TENM2: variants seen among roughly 807,000 people sequenced by gnomAD.
TENM2 encodes the protein teneurin transmembrane protein 2, also known as teneurin-2.
TENM2 carries 52 observed loss-of-function variants against 245.2 expected under a neutral mutation model. That is an observed-to-expected ratio of 0.21 (90% CI 0.17 to 0.27). The LOEUF (loss-of-function observed/expected upper bound fraction) is 0.27, where lower values mean the gene tolerates loss of function less well. Among genes scored for constraint, TENM2 ranks in the 10% least tolerant of loss-of-function variants. The pLI is 1.00. For missense variants in TENM2, 3,046 were observed against 3,666.8 expected, an observed-to-expected ratio of 0.83 and a Z score of 4.37; for synonymous variants, 1,363 against 1,438.9, an observed-to-expected ratio of 0.95 and a Z score of 1.19.
chr5:167,002,598 A>G, the TENM2 span, among the ~76,000 whole-genome samples: 3 of 151,934 alleles, frequency 2.0e-5, no homozygotes, highest in Non-Finnish European at 2.9e-5. Context: ...TGTGACCAAG[A>G]GTTCCAGACC....
At chr5:167,728,547 T>G (rs1342789073) in intron 2 of TENM2, 1 of 152,364 alleles carries the variant, frequency 6.6e-6, no homozygotes, top group East Asian at 1.9e-4. Flanking sequence ...TAGGCTGCAG[T>G]GAGCTATGAT....
chr5:167,775,443 G>A (rs1482749374), intron 2 of TENM2, among the ~76,000 whole-genome samples: 2 of 152,212 alleles, frequency 1.3e-5, no homozygotes, highest in East Asian at 3.8e-4. Flanking sequence ...TGCAGAACTA[G>A]GTTTAACTGG....
chr5:167,432,409 C>T (rs1453828976), intron 2 of TENM2, among the ~76,000 whole-genome samples: 1 of 151,728 alleles, frequency 6.6e-6, no homozygotes, highest in Non-Finnish European at 1.5e-5. Flanking sequence ...TTTTCTTCTG[C>T]TTGTTGTACA....
chr5:167,645,026 T>C (rs907482117), intron 2 of TENM2, among the ~76,000 whole-genome samples: 3 of 152,178 alleles, frequency 2.0e-5, no homozygotes, highest in Non-Finnish European at 4.4e-5. Flanking sequence ...CTGGAGGCAA[T>C]TGAAACACAA....
rs183549184 is a variant in TENM2 at position 167,874,335 on chromosome 5, T to A, written c.503-1651T>A. 3.2e-3 allele frequency among the ~76,000 whole-genome samples: 482 copies of A among 152,296 alleles called. 2 individuals carry two copies. The highest frequency in any genetic ancestry group is 0.01 in the African/African-American group (433 of 41,572). On this transcript the variant is annotated intron_variant, in intron 2 of 28. Coordinates refer to ENST00000518659, the Ensembl canonical transcript of TENM2. ...CTAGCGAAGTGCAGATACATTTTAT[T>A]GAACCAAATGAACCCATAAATAGCA... is the stretch of plus-strand genomic sequence containing the variant.
intron 2 of TENM2, among the ~76,000 whole-genome samples, chr5:167,596,205 T>A (rs926161935): frequency 6.6e-6 from 1 of 152,316 alleles, no homozygotes; most frequent in Middle Eastern, 3.4e-3. Context: ...ACTGTCATTA[T>A]CTGAAGTAAA....
At chr5:167,112,931 GCA>G in the TENM2 span, among the ~76,000 whole-genome samples, 5 of 152,264 alleles carry the variant, frequency 3.3e-5, no homozygotes, top group East Asian at 9.7e-4. Context: ...AATCAAATTG[GCA>G]CATCATAATA....
chr5:167,523,209 C>G (rs1293471175), intron 2 of TENM2, among the ~76,000 whole-genome samples: 1 of 152,192 alleles, frequency 6.6e-6, no homozygotes, highest in East Asian at 1.9e-4. Flanking sequence ...GTAATAGCCA[C>G]TCTGTTGCCA....
chr5:167,515,089 G>T (rs1168340872), intron 2 of TENM2, among the ~76,000 whole-genome samples: 2 of 152,138 alleles, frequency 1.3e-5, no homozygotes, highest in Non-Finnish European at 2.9e-5. Context: ...GTTCATGAAG[G>T]TAAACACCGA....
the TENM2 span, among the ~76,000 whole-genome samples, chr5:167,047,479 A>C: frequency 1.3e-5 from 1 of 76,460 alleles, no homozygotes; most frequent in Non-Finnish European, 4.1e-5. Flanking sequence ...TTGCTTTCTT[A>C]ATTTATAATG....
the TENM2 span, among the ~76,000 whole-genome samples, chr5:167,180,955 AACAAAAAACAAAAAC>A: frequency 4.1e-3 from 620 of 151,946 alleles, 5 homozygotes; most frequent in African/African-American, 0.014. Context: ...TGAAAAAAAA[AACAAAAAACAAAAAC>A]CAAAAACAAT....
chr5:167,026,669 ATTCCCGG>A, the TENM2 span, among the ~76,000 whole-genome samples: 2 of 152,214 alleles, frequency 1.3e-5, no homozygotes, highest in Non-Finnish European at 1.5e-5. Context: ...TTTTCATCTG[ATTCCCGG>A]TGAGGCGTAT....
chr5:167,851,200 G>A (rs1252666687), intron 2 of TENM2, among the ~76,000 whole-genome samples: 1 of 152,034 alleles, frequency 6.6e-6, no homozygotes, highest in East Asian at 1.9e-4. Flanking sequence ...TGGGGGTGGT[G>A]GCAGAGGGGA....
At chr5:167,648,053 G>A (rs1030131661) in intron 2 of TENM2, among the ~76,000 whole-genome samples, 1 of 152,158 alleles carries the variant, frequency 6.6e-6, no homozygotes, top group Admixed American at 6.6e-5. Flanking sequence ...AAATACCTTT[G>A]TTGAAAAACA....
the TENM2 span, among the ~76,000 whole-genome samples, chr5:167,231,724 A>G: frequency 6.6e-6 from 1 of 152,204 alleles, no homozygotes; most frequent in African/African-American, 2.4e-5. Flanking sequence ...AGAAAAACCC[A>G]TTTTCTGAGG....
At chr5:167,370,867 A>G (rs977970124) in intron 1 of TENM2, among the ~76,000 whole-genome samples, 5 of 152,230 alleles carry the variant, frequency 3.3e-5, no homozygotes, top group African/African-American at 1.2e-4. Context: ...GGAGAATCAC[A>G]CAATGAGTAG....
At chr5:167,747,293 T>C (rs566120995) in intron 2 of TENM2, among the ~76,000 whole-genome samples, 2 of 152,274 alleles carry the variant, frequency 1.3e-5, no homozygotes, top group African/African-American at 4.8e-5. Context: ...TAGACATGTT[T>C]ATAAATGGAA....
chr5:168,185,521 T>C lies in TENM2; in HGVS notation c.2570-4816T>C, dbSNP rs1760308544. ...TGAGGGAAACTGAAGCACAGAGCAG[T>C]TAATTGCCCATGGTCAACAGCTAGG... On this transcript the variant is annotated intron_variant, in intron 13 of 28. Coordinates refer to ENST00000518659, the Ensembl canonical transcript of TENM2. Among the ~76,000 whole-genome samples, 6 of 152,118 alleles carry C rather than the reference T, an allele frequency of 3.9e-5. No individual in the cohort carries two copies. In the South Asian group the frequency reaches 1.2e-3, roughly 32 times the overall value.
chr5:167,751,439 T>G (rs1376611600), intron 2 of TENM2, among the ~76,000 whole-genome samples: 2 of 152,182 alleles, frequency 1.3e-5, no homozygotes, highest in Admixed American at 1.3e-4. Context: ...CCTTGTCTTT[T>G]GGGAGTTTAC....
Sources: gnomAD v4.1 joint callset for allele counts (sites outside exome capture counted in the v4.1 genomes callset) on GRCh38, gnomAD v4.1.1 for gene constraint, MANE v1.5 for transcripts, NCBI Gene and HGNC (gene_info 2026-07-23, HGNC 2026-07-21) for gene names.